DNAJC27: variants seen among roughly 807,000 people sequenced by gnomAD.
DNAJC27 encodes the protein DnaJ heat shock protein family (Hsp40) member C27.
DNAJC27 carries 25 observed loss-of-function variants against 31.4 expected under a neutral mutation model. That is an observed-to-expected ratio of 0.80 (90% CI 0.58 to 1.11). The LOEUF is 1.11. Ranked by LOEUF, DNAJC27 falls within the 50% of genes most tolerant of loss-of-function variation. DNAJC27 has a pLI of 0.00. For missense variants in DNAJC27, 356 were observed against 347.3 expected (o/e 1.02, Z -0.20); for synonymous variants, 106 against 112.7 (o/e 0.94, Z 0.37).
At chr2:24,965,002 T>C (rs1666144339) in intron 2 of DNAJC27, among the ~76,000 whole-genome samples, 1 of 152,034 alleles carries the variant, frequency 6.6e-6, no homozygotes, top group African/African-American at 2.4e-5. Flanking sequence ...GGTCAGGAGT[T>C]TGAGACCAGC....
rs1666097467 is a variant in DNAJC27, at chr2:24,963,410, A to G, written c.235T>C (p.Tyr79His). Residue 79 changes from tyrosine (Y) to histidine (H), a missense_variant, in exon 3 of 7, where the codon TAT (tyrosine) becomes CAT (histidine). Coordinates refer to ENST00000264711, the MANE Select transcript of DNAJC27 (RefSeq NM_016544.3). ...TGTCAAAAAGGCTTTCTTACCTCAT[A>G]GAAGAAGGGATGTCCAGCCATATCA... is the stretch of plus-strand genomic sequence containing the variant. Reference protein sequence around the residue: ...IFDMAGHPFFYEVRNEFYKDT... With the variant: ...IFDMAGHPFFHEVRNEFYKDT... 6.2e-7 allele frequency: 1 copy of G among 1,613,284 alleles called. No homozygotes were observed. Among genetic ancestry groups the G allele is most frequent in the Admixed American group, 1.7e-5 (1 of 59,996 alleles).
intron 2 of DNAJC27, among the ~76,000 whole-genome samples, chr2:24,966,931 A>G (rs550575945): frequency 2.0e-5 from 3 of 152,364 alleles, no homozygotes; most frequent in Non-Finnish European, 4.4e-5. Context: ...CTGGAAAGTT[A>G]CACCTGCCAT....
chr2:24,953,224 CT>C (rs1227458762), intron 5 of DNAJC27, among the ~76,000 whole-genome samples: 2 of 152,008 alleles, frequency 1.3e-5, no homozygotes, highest in Non-Finnish European at 2.9e-5. Context: ...TTTTTGGATT[CT>C]TTTATAGTTC....
Position 24,971,740 on chromosome 2 carries a change from T to G in DNAJC27, c.87+78A>C, listed in dbSNP as rs1034155372. ...GAGAGGAGGCCGGGCCCCAGGCTGT[T>G]GAGTGGCCGCCCTTCCAGCCAATGG... On this transcript the variant is annotated intron_variant, in intron 1 of 6. Coordinates refer to ENST00000264711, the MANE Select transcript of DNAJC27 (RefSeq NM_016544.3). 3.8e-6 allele frequency: 5 copies of G among 1,329,052 alleles called. No individual in the cohort carries two copies. The African/African-American group carries it at 7.5e-5, about 20-fold the overall frequency. The allele number at this position is 1,329,052 out of a possible 1,614,324, so 82.3% of individuals were successfully genotyped here. A position where few individuals can be genotyped will look rare whatever the true frequency, so the allele number is the denominator to read the frequency against.
chr2:24,970,893 T>C (rs1453367382), intron 1 of DNAJC27, among the ~76,000 whole-genome samples: 1 of 152,152 alleles, frequency 6.6e-6, no homozygotes, highest in African/African-American at 2.4e-5. Flanking sequence ...TAAGTAAACA[T>C]TTACTGAGCA....
intron 5 of DNAJC27, among the ~76,000 whole-genome samples, chr2:24,951,951 C>CA (rs1282658653): frequency 6.6e-6 from 1 of 151,884 alleles, no homozygotes; most frequent in African/African-American, 2.4e-5. Context: ...TCCACACACA[C>CA]AAAAAATACA....
At chr2:24,963,337 T>C in intron 3 of DNAJC27, 68 bp downstream of exon 3, 2 of 1,298,150 alleles carry the variant, frequency 1.5e-6, no homozygotes, top group Non-Finnish European at 2.2e-6. Context: ...TTGTTTCATA[T>C]AATTCTGGAT....
chr2:24,963,420 A>C lies in DNAJC27; in HGVS notation c.225T>G (p.His75Gln). The C allele has an allele frequency of 6.2e-7, 1 of 1,613,790 alleles. No homozygotes were observed. The highest frequency in any genetic ancestry group is 8.5e-7 in the Non-Finnish European group (1 of 1,179,776). Residue 75 changes from histidine to glutamine, a missense_variant, in exon 3 of 7, where the codon CAT becomes CAG. Transcript: ENST00000264711. Reference protein sequence around the residue: ...IKVNIFDMAGHPFFYEVRNEF... With the variant: ...IKVNIFDMAGQPFFYEVRNEF... The stretch of plus-strand genomic sequence containing the variant: ...GCTTTCTTACCTCATAGAAGAAGGG[A>C]TGTCCAGCCATATCAAAGATGTTAA...
chr2:24,949,944 T>A (rs914210321), intron 6 of DNAJC27, among the ~76,000 whole-genome samples: 1 of 151,574 alleles, frequency 6.6e-6, no homozygotes, highest in African/African-American at 2.4e-5. Context: ...GGCTTTTTTT[T>A]TTTTCATAAA....
At chr2:24,971,728 G>GCC in intron 1 of DNAJC27, 90 bp downstream of exon 1, 1 of 1,182,116 alleles carries the variant, frequency 8.5e-7, no homozygotes, top group Non-Finnish European at 1.2e-6. Flanking sequence ...AGGAGGCCGG[G>GCC]CCCCAGGCTG....
intron 2 of DNAJC27, among the ~76,000 whole-genome samples, chr2:24,966,895 G>A (rs984383464): frequency 1.3e-5 from 2 of 152,134 alleles, no homozygotes; most frequent in Non-Finnish European, 2.9e-5. Flanking sequence ...CTGCTGGAAG[G>A]ACCTGCTAAT....
At position 24,967,335 on chromosome 2, in the gene DNAJC27, G is replaced by A. The variant is rs374185539; in HGVS notation, c.88-42C>T. 6 of 1,257,854 alleles carry A rather than the reference G, an allele frequency of 4.8e-6. No individual in the cohort carries two copies. In the African/African-American group the frequency reaches 7.5e-5, roughly 16 times the overall value. 77.9% of individuals were successfully genotyped at this position (1,257,854 alleles called of 1,614,324 possible). A position where few individuals can be genotyped will look rare whatever the true frequency, so the allele number is the denominator to read the frequency against. On this transcript the variant is annotated intron_variant, in intron 1 of 6. Coordinates refer to ENST00000264711, the MANE Select transcript of DNAJC27 (RefSeq NM_016544.3). ...TACAGGCATTTAGTAAATACATAGTGAGAACACATACAGAATAAGTATATT... is the reference window on the plus strand; with the variant it reads ...TACAGGCATTTAGTAAATACATAGTAAGAACACATACAGAATAAGTATATT...
At chr2:24,949,785 C>A (rs955294780) in intron 6 of DNAJC27, among the ~76,000 whole-genome samples, 1 of 152,070 alleles carries the variant, frequency 6.6e-6, no homozygotes, top group Non-Finnish European at 1.5e-5. Context: ...AGTCTACTAA[C>A]AAGTAGATAA....
At position 24,947,606 on chromosome 2, in the gene DNAJC27, T is replaced by C. The variant is rs748227013; in HGVS notation, c.*10A>G. The C allele has an allele frequency of 1.3e-6, 2 of 1,595,168 alleles. No individual in the cohort carries two copies. Among genetic ancestry groups the C allele is most frequent in the Non-Finnish European group, 8.6e-7 (1 of 1,165,650 alleles). ...ATTTGAGTCCCACATGTGGCTTTTT[T>C]CTGTACTTTCTACTTGATGTTTTTC... On this transcript the variant is annotated 3_prime_UTR_variant, in exon 7 of 7. Transcript: ENST00000264711.
At chr2:24,956,631 T>G (rs911311577) in intron 5 of DNAJC27, among the ~76,000 whole-genome samples, 6 of 152,214 alleles carry the variant, frequency 3.9e-5, no homozygotes, top group African/African-American at 1.4e-4. Flanking sequence ...CAAAGGTAGC[T>G]TTGAAGAAAA....
At chr2:24,952,025 G>A (rs1665787651) in intron 5 of DNAJC27, among the ~76,000 whole-genome samples, 1 of 152,138 alleles carries the variant, frequency 6.6e-6, no homozygotes, top group Non-Finnish European at 1.5e-5. Flanking sequence ...TGAGGTCGGA[G>A]GATGCTTGAG....
chr2:24,964,421 CAAAAAA>C (rs771037919), intron 2 of DNAJC27, among the ~76,000 whole-genome samples: 19 of 74,778 alleles, frequency 2.5e-4, no homozygotes, highest in Admixed American at 8.9e-4. Context: ...GACTCCGTCT[CAAAAAA>C]AAAAAAAAAA....
At chr2:24,970,459 ACT>A in intron 1 of DNAJC27, among the ~76,000 whole-genome samples, 1 of 141,912 alleles carries the variant, frequency 7.0e-6, no homozygotes, top group South Asian at 2.2e-4. Flanking sequence ...CAGTAAAATT[ACT>A]TTTTTTTTTT....
chr2:24,971,561 TGG>T, intron 1 of DNAJC27: 1 of 341,546 alleles, frequency 2.9e-6, no homozygotes, highest in South Asian at 6.0e-5. Flanking sequence ...CTTACTCTTT[TGG>T]GGGTACATTC....
Sources: allele counts gnomAD v4.1 joint callset (sites outside exome capture counted in the v4.1 genomes callset), GRCh38; gene constraint gnomAD v4.1.1; transcripts MANE v1.5; gene names NCBI Gene and HGNC (gene_info 2026-07-23, HGNC 2026-07-21).